Variants in COL12A1 observed in about 807,000 individuals in gnomAD.
COL12A1 encodes the protein collagen type XII alpha 1 chain, also known as collagen alpha-1(XII) chain.
In COL12A1, 114 loss-of-function variants were observed where a neutral mutation model predicts 349.7. That is an observed-to-expected ratio of 0.33 (90% CI 0.28 to 0.38). The LOEUF (loss-of-function observed/expected upper bound fraction) is 0.38, where lower values mean the gene tolerates loss of function less well. Ranked by LOEUF, COL12A1 falls within the 10% of genes least tolerant of loss-of-function variation. The pLI is 1.00. For missense variants in COL12A1, 3,284 were observed against 3,756.9 expected (o/e 0.87, Z 3.29); for synonymous variants, 1,369 against 1,329.0 (o/e 1.03, Z -0.66).
At position 75,117,378 on chromosome 6, in the gene COL12A1, T is replaced by C; in HGVS notation, c.7519+4A>G. 1.2e-6 allele frequency: 2 copies of C among 1,612,976 alleles called. No homozygotes were observed. The highest frequency in any genetic ancestry group is 1.7e-6 in the Non-Finnish European group (2 of 1,179,216). On this transcript the variant is annotated splice_donor_region_variant and intron_variant, in intron 47 of 65. Coordinates refer to ENST00000322507, the MANE Select transcript of COL12A1 (RefSeq NM_004370.6). ...GTTATAGATCCATGTTGACTGTGAC[T>C]TACTTGAAGTGGCAGTTTCACAAAC...
chr6:75,152,797 G>A (rs1767560341), intron 17 of COL12A1, among the ~76,000 whole-genome samples: 1 of 152,050 alleles, frequency 6.6e-6, no homozygotes, highest in Non-Finnish European at 1.5e-5. Flanking sequence ...AATTTGATGG[G>A]CTCACAAATT....
intron 54 of COL12A1, among the ~76,000 whole-genome samples, chr6:75,104,138 G>A (rs1768433256): frequency 6.6e-6 from 1 of 152,044 alleles, no homozygotes; most frequent in African/African-American, 2.4e-5. Context: ...ACATTCCTTG[G>A]GGAAAATGAT....
At chr6:75,181,334 A>G in intron 10 of COL12A1, 123 bp from the exon 11 acceptor site, 1 of 908,334 alleles carries the variant, frequency 1.1e-6, no homozygotes. Flanking sequence ...CATTGAGACT[A>G]CTGTACTGGG....
chr6:75,187,085 A>G (rs920529015), intron 8 of COL12A1, among the ~76,000 whole-genome samples: 2 of 151,940 alleles, frequency 1.3e-5, no homozygotes, highest in South Asian at 2.1e-4. Flanking sequence ...AAGTTTATCT[A>G]TGTAACAAAC....
In COL12A1 at chr6:75,142,021, G is replaced by A. The variant is rs778298309; in HGVS notation, c.4957+11C>T. The A allele has an allele frequency of 3.7e-6, 6 of 1,613,840 alleles. No individual in the cohort carries two copies. The highest frequency in any genetic ancestry group is 5.1e-6 in the Non-Finnish European group (6 of 1,179,952). On this transcript the variant is annotated intron_variant, in intron 27 of 65. Transcript: ENST00000322507. ...GTTTCCCATTATCAGTGGAGCAGGA[G>A]CACAACTCACGGGTAGTTTCTTGAG...
chr6:75,126,377 C>T lies in COL12A1; in HGVS notation c.6434G>A (p.Gly2145Glu). The T allele has an allele frequency of 6.2e-7, 1 of 1,610,936 alleles. No homozygotes were observed. The highest frequency in any genetic ancestry group is 8.5e-7 in the Non-Finnish European group (1 of 1,177,600). Reference sequence around the variant, plus strand: ...CACTGGCTTATATACTATTTTATATCCAAGAACTGGAGAAGGTGAAGGATC... The same window carrying T: ...CACTGGCTTATATACTATTTTATATTCAAGAACTGGAGAAGGTGAAGGATC... ...SWDPSPSPVL[G>E]YKIVYKPVGS... Residue 2145 changes from glycine (G) to glutamate (E), a missense_variant, in exon 39 of 66, where the codon GGA (glycine) becomes GAA (glutamate). Around this residue, in one of 2 missense-constraint regions of COL12A1, gnomAD observed 2,601 missense variants for 2,824.8 expected, o/e 0.92. Coordinates refer to ENST00000322507, the MANE Select transcript of COL12A1 (RefSeq NM_004370.6).
intron 54 of COL12A1, among the ~76,000 whole-genome samples, chr6:75,104,540 G>A (rs1768452998): frequency 6.6e-6 from 1 of 152,132 alleles, no homozygotes; most frequent in African/African-American, 2.4e-5. Context: ...AGAAGCCAAG[G>A]GAGATTAGAG....
chr6:75,099,462 G>A (rs1038260038), intron 58 of COL12A1, among the ~76,000 whole-genome samples: 1 of 151,968 alleles, frequency 6.6e-6, no homozygotes, highest in African/African-American at 2.4e-5. Context: ...CGTAAATATT[G>A]TATTTCTAAA....
Position 75,126,440 on chromosome 6 carries a change from A to T in COL12A1, c.6371T>A (p.Ile2124Asn). The change falls in exon 39 of 66, where the codon ATC becomes AAC. Residue 2124 changes from isoleucine to asparagine, a missense_variant. Ile to Asn is a moderately radical substitution (Grantham distance 149). Coordinates refer to ENST00000322507, the MANE Select transcript of COL12A1 (RefSeq NM_004370.6). ...GAATCTTGTATACCATTCGTCAGAGATGTGTATGTTCTGAGGAGGAAGGAG... is the reference window on the plus strand; with the variant it reads ...GAATCTTGTATACCATTCGTCAGAGTTGTGTATGTTCTGAGGAGGAAGGAG... ...VGLLPPQNIH[I>N]SDEWYTRFRV... 1 of 1,611,306 alleles carries T rather than the reference A, an allele frequency of 6.2e-7. No homozygotes were observed.
In COL12A1 at chr6:75,085,556, T is replaced by A; in HGVS notation, c.*991A>T. 4 of 264,832 alleles carry A rather than the reference T, an allele frequency of 1.5e-5. No homozygotes were observed. Among genetic ancestry groups the A allele is most frequent in the African/African-American group, 2.3e-5 (1 of 44,068 alleles). The allele number at this position is 264,832 out of a possible 1,614,324, so 16.4% of individuals were successfully genotyped here. A position where few individuals can be genotyped will look rare whatever the true frequency, so the allele number is the denominator to read the frequency against. On this transcript the variant is annotated 3_prime_UTR_variant, in exon 66 of 66. Transcript: ENST00000322507. ...ATCAAATAATGAAATGGCACTTTCTTAAAAAAAAAAACCTTCAAAAATCCA... is the reference window on the plus strand; with the variant it reads ...ATCAAATAATGAAATGGCACTTTCTAAAAAAAAAAAACCTTCAAAAATCCA...
chr6:75,157,288 T>C (rs1166564003), intron 14 of COL12A1, among the ~76,000 whole-genome samples: 1 of 152,090 alleles, frequency 6.6e-6, no homozygotes, highest in Admixed American at 6.6e-5. Flanking sequence ...TTTTATTCAG[T>C]TCAATAATCA....
rs190409679 is a variant in COL12A1 at position 75,171,575 on chromosome 6, G to A, written c.2710+3463C>T. On this transcript the variant is annotated intron_variant, in intron 13 of 65. Coordinates refer to ENST00000322507, the MANE Select transcript of COL12A1 (RefSeq NM_004370.6). ...GTCCAACCTACAGAATGCTCCTGCC[G>A]GCTGACACCATGCCTCTGGATAAAG... Among the ~76,000 whole-genome samples the A allele has an allele frequency of 8.5e-5, 13 of 152,254 alleles. No homozygotes were observed. In the South Asian group the frequency reaches 1.7e-3, roughly 19 times the overall value.
intron 56 of COL12A1, 40 bp downstream of exon 56, chr6:75,102,557 T>A: frequency 7.3e-7 from 1 of 1,377,684 alleles, no homozygotes; most frequent in Non-Finnish European, 9.7e-7. Context: ...TAAATGTTTA[T>A]CCACCACTCT....
At chr6:75,197,466 C>A (rs1770291464) in intron 2 of COL12A1, among the ~76,000 whole-genome samples, 1 of 152,010 alleles carries the variant, frequency 6.6e-6, no homozygotes, top group South Asian at 2.1e-4. Context: ...GCGTGCTCCA[C>A]CATGCCTGGC....
chr6:75,185,072 T>C (rs1769539054), intron 8 of COL12A1, among the ~76,000 whole-genome samples: 1 of 152,164 alleles, frequency 6.6e-6, no homozygotes, highest in Non-Finnish European at 1.5e-5. Context: ...CAAGATGAGG[T>C]TGCCCTCTCT....
intron 15 of COL12A1, among the ~76,000 whole-genome samples, 198 bp from the exon 16 acceptor site, chr6:75,156,052 T>G (rs1562241840): frequency 6.6e-6 from 1 of 152,166 alleles, no homozygotes; most frequent in Non-Finnish European, 1.5e-5. Context: ...TCAGATTAGA[T>G]TTGCATAAGA....
chr6:75,186,909 C>T (rs1215271038), intron 8 of COL12A1, among the ~76,000 whole-genome samples: 1 of 151,784 alleles, frequency 6.6e-6, no homozygotes, highest in Admixed American at 6.6e-5. Flanking sequence ...TAAGTGGGGG[C>T]TAAATGATGA....
At chr6:75,097,152 C>A in intron 59 of COL12A1, 101 bp downstream of exon 59, 7 of 918,540 alleles carry the variant, frequency 7.6e-6, no homozygotes, top group Non-Finnish European at 1.1e-5. Context: ...ATGATATACT[C>A]CACAGCACAG....
chr6:75,106,349 TC>T, intron 53 of COL12A1, 69 bp downstream of exon 53: 1 of 1,316,100 alleles, frequency 7.6e-7, no homozygotes. Context: ...CTACTTCCTC[TC>T]CCAGGCACAA....
Sources: allele counts gnomAD v4.1 joint callset (sites outside exome capture counted in the v4.1 genomes callset), GRCh38; gene constraint gnomAD v4.1.1; regional missense constraint gnomAD v4.1.1; transcripts MANE v1.5; gene names NCBI Gene and HGNC (gene_info 2026-07-23, HGNC 2026-07-21).